MPPED2: variants seen among roughly 807,000 people sequenced by gnomAD.
MPPED2 encodes metallophosphoesterase domain containing 2.
MPPED2 carries 5 observed loss-of-function variants against 33.0 expected under a neutral mutation model. The ratio of observed to expected loss-of-function variants is 0.15; its 90% CI spans 0.08 to 0.32. MPPED2 has a LOEUF of 0.32. Ranked by LOEUF, MPPED2 falls within the 10% of genes least tolerant of loss-of-function variation. The pLI is 1.00. For missense variants in MPPED2, 275 were observed against 372.1 expected, an observed-to-expected ratio of 0.74 and a Z score of 2.15; for synonymous variants, 136 against 141.9, an observed-to-expected ratio of 0.96 and a Z score of 0.29.
intron 4 of MPPED2, among the ~76,000 whole-genome samples, chr11:30,478,878 T>G (rs951188759): frequency 1.3e-5 from 2 of 152,090 alleles, no homozygotes; most frequent in African/African-American, 4.8e-5. Context: ...GTGTTGTGGG[T>G]TTTTTGTTGC....
At chr11:30,409,653 A>C (rs1464578945), downstream of MPPED2, among the ~76,000 whole-genome samples, 1 of 152,320 alleles carries the variant, frequency 6.6e-6, no homozygotes, top group East Asian at 1.9e-4. Flanking sequence ...ATACAATCCA[A>C]TGAGCCCTGA....
rs867017968 is a variant in MPPED2, at chr11:30,441,416, A to G, written c.537-23783T>C. On this transcript the variant is annotated intron_variant, in intron 4 of 6. Coordinates refer to ENST00000358117, the MANE Select transcript of MPPED2 (RefSeq NM_001584.3). ...AATCAAGATCATCTGTTCTATGTGG[A>G]AAATCAGAAATGGAACAAGTGAGAG... 2.3e-4 allele frequency: 35 copies of G among 152,348 alleles called. No individual in the cohort carries two copies. In the Middle Eastern group the frequency reaches 0.01, roughly 44 times the overall value. The allele number at this position is 152,348 out of a possible 1,614,324, so 9.4% of individuals were successfully genotyped here.
At chr11:30,422,974 T>C (rs1383390025) in intron 4 of MPPED2, among the ~76,000 whole-genome samples, 1 of 152,170 alleles carries the variant, frequency 6.6e-6, no homozygotes, top group Non-Finnish European at 1.5e-5. Flanking sequence ...TGGGCTGAAA[T>C]TCCAGGGGCA....
intron 3 of MPPED2, among the ~76,000 whole-genome samples, chr11:30,505,219 CCTT>C (rs1952766260): frequency 6.6e-6 from 1 of 152,186 alleles, no homozygotes; most frequent in Admixed American, 6.5e-5. Flanking sequence ...CTCAGCAACT[CCTT>C]ATTTGTAAGC....
At chr11:30,578,512 A>G (rs1957027819) in intron 2 of MPPED2, among the ~76,000 whole-genome samples, 1 of 152,164 alleles carries the variant, frequency 6.6e-6, no homozygotes, top group African/African-American at 2.4e-5. Flanking sequence ...AAGTTACATG[A>G]TTTTTAAAAT....
At chr11:30,449,857 T>C (rs1949974648) in intron 4 of MPPED2, among the ~76,000 whole-genome samples, 1 of 152,118 alleles carries the variant, frequency 6.6e-6, no homozygotes. Context: ...TTCTCTTCCA[T>C]TAGTTTCCCC....
chr11:30,495,278 G>C lies in MPPED2; in HGVS notation c.536+18C>G, dbSNP rs1390003148. ...GAGCTAAAAAGCAATGTGGAAAACT[G>C]TTTGAATCATCACTTACCAAGGTGC... is the stretch of plus-strand genomic sequence containing the variant. On this transcript the variant is annotated intron_variant, in intron 4 of 6. Coordinates refer to ENST00000358117, the MANE Select transcript of MPPED2 (RefSeq NM_001584.3). 1 of 1,567,586 alleles carries C rather than the reference G, an allele frequency of 6.4e-7. No individual in the cohort carries two copies. Among genetic ancestry groups the C allele is most frequent in the Non-Finnish European group, 8.8e-7 (1 of 1,137,910 alleles).
intron 4 of MPPED2, among the ~76,000 whole-genome samples, chr11:30,441,933 C>G (rs1949590624): frequency 6.6e-6 from 1 of 152,174 alleles, no homozygotes; most frequent in African/African-American, 2.4e-5. Flanking sequence ...CGGCAGAACC[C>G]TGTCTTGTTT....
intron 2 of MPPED2, among the ~76,000 whole-genome samples, chr11:30,546,731 T>C (rs370852040): frequency 2.6e-5 from 4 of 152,198 alleles, no homozygotes; most frequent in South Asian, 4.1e-4. Context: ...AAAAAGACCA[T>C]TTTTTACTAC....
intron 3 of MPPED2, among the ~76,000 whole-genome samples, chr11:30,530,402 A>G (rs1954453621): frequency 6.6e-6 from 1 of 152,224 alleles, no homozygotes; most frequent in Non-Finnish European, 1.5e-5. Flanking sequence ...AACCAGGCAT[A>G]CCAAGAGCAC....
chr11:30,455,341 G>T (rs894576701), intron 4 of MPPED2, among the ~76,000 whole-genome samples: 1 of 152,162 alleles, frequency 6.6e-6, no homozygotes, highest in African/African-American at 2.4e-5. Context: ...GGGCCCACAA[G>T]CTCTGCCAGT....
chr11:30,450,790 C>T (rs1249737924), intron 4 of MPPED2, among the ~76,000 whole-genome samples: 2 of 152,208 alleles, frequency 1.3e-5, no homozygotes, highest in Non-Finnish European at 2.9e-5. Flanking sequence ...CACATTTTAA[C>T]CTCAGAGAAA....
intron 4 of MPPED2, among the ~76,000 whole-genome samples, chr11:30,478,791 T>A (rs1951339063): frequency 6.6e-6 from 1 of 152,144 alleles, no homozygotes; most frequent in Admixed American, 6.5e-5. Flanking sequence ...CTTAGACACG[T>A]GGTTAATAAC....
intron 3 of MPPED2, among the ~76,000 whole-genome samples, chr11:30,518,371 G>A (rs1210807542): frequency 1.2e-4 from 18 of 152,152 alleles, no homozygotes; most frequent in Admixed American, 1.0e-3. Context: ...ATCATCTCAT[G>A]TAATTATAAA....
At chr11:30,432,582 A>C (rs546530018) in intron 4 of MPPED2, among the ~76,000 whole-genome samples, 2 of 152,344 alleles carry the variant, frequency 1.3e-5, no homozygotes, top group South Asian at 4.1e-4. Context: ...TATTTACACA[A>C]GGCATGCCTG....
intron 2 of MPPED2, among the ~76,000 whole-genome samples, chr11:30,566,149 T>A (rs967645598): frequency 3.3e-5 from 5 of 152,188 alleles, no homozygotes; most frequent in Non-Finnish European, 7.3e-5. Flanking sequence ...ACTCCACATA[T>A]TAGGAGCAGT....
chr11:30,458,399 A>G (rs1243071005), intron 4 of MPPED2, among the ~76,000 whole-genome samples: 1 of 152,212 alleles, frequency 6.6e-6, no homozygotes, highest in African/African-American at 2.4e-5. Flanking sequence ...GTTTCACATC[A>G]ACCCTCATTC....
At chr11:30,442,442 A>G (rs1007546350) in intron 4 of MPPED2, among the ~76,000 whole-genome samples, 1 of 152,166 alleles carries the variant, frequency 6.6e-6, no homozygotes, top group African/African-American at 2.4e-5. Context: ...GAGAGACAAG[A>G]CTCCTTTCCA....
intron 4 of MPPED2, among the ~76,000 whole-genome samples, chr11:30,484,720 TG>T (rs1195458291): frequency 1.2e-4 from 19 of 152,332 alleles, no homozygotes; most frequent in African/African-American, 3.1e-4. Flanking sequence ...CACTCTTCCA[TG>T]CCTTTTGACC....
Sources: allele counts gnomAD v4.1 joint callset (sites outside exome capture counted in the v4.1 genomes callset), GRCh38; gene constraint gnomAD v4.1.1; transcripts MANE v1.5; gene names NCBI Gene and HGNC (gene_info 2026-07-23, HGNC 2026-07-21).